Variants in SOCS2 observed in about 807,000 individuals in gnomAD.
SOCS2 encodes the protein suppressor of cytokine signaling 2.
A neutral mutation model predicts 18.6 loss-of-function variants in SOCS2; 10 were observed. The ratio of observed to expected loss-of-function variants is 0.54; its 90% CI spans 0.33 to 0.91. The LOEUF is 0.91. Ranked by LOEUF, SOCS2 falls within the 40% of genes least tolerant of loss-of-function variation. The pLI is 0.02. For synonymous variants in SOCS2, 104 were observed against 104.0 expected (o/e 1.00, Z 0.00); for missense variants, 231 against 247.2 (o/e 0.93, Z 0.44).
chr12:93,584,728 G>A (rs11107116), downstream of SOCS2, among the ~76,000 whole-genome samples: 3 of 151,820 alleles, frequency 2.0e-5, no homozygotes, highest in Non-Finnish European at 4.4e-5. Context: ...ATCCAGCTTG[G>A]AAGAGTCCCT....
chr12:93,570,249 G>A (rs1170354067), upstream of SOCS2: 1 of 152,286 alleles, frequency 6.6e-6, no homozygotes, highest in African/African-American at 2.4e-5. Flanking sequence ...CGGGCCGCCG[G>A]GTCTACCGGA....
chr12:93,611,304 C>T, the SOCS2 span, among the ~76,000 whole-genome samples: 2 of 152,152 alleles, frequency 1.3e-5, no homozygotes, highest in African/African-American at 4.8e-5. Flanking sequence ...GTGGTGTGAT[C>T]TCAGCTCACT....
At chr12:93,601,155 A>G in the SOCS2 span, among the ~76,000 whole-genome samples, 1 of 146,424 alleles carries the variant, frequency 6.8e-6, no homozygotes, top group Non-Finnish European at 1.5e-5. Context: ...GTGCTGGTAT[A>G]TGGGATCACT....
At chr12:93,588,044 G>T (rs1219923730), downstream of SOCS2, among the ~76,000 whole-genome samples, 1 of 152,236 alleles carries the variant, frequency 6.6e-6, no homozygotes, top group Non-Finnish European at 1.5e-5. Flanking sequence ...CCCTAGACTT[G>T]CAAGGGACCC....
At chr12:93,624,012 T>A in the SOCS2 span, among the ~76,000 whole-genome samples, 1 of 152,122 alleles carries the variant, frequency 6.6e-6, no homozygotes, top group Non-Finnish European at 1.5e-5. Context: ...CCTGAGCCAC[T>A]GCGCCTGGTC....
the SOCS2 span, among the ~76,000 whole-genome samples, chr12:93,608,218 C>T: frequency 6.6e-6 from 1 of 151,248 alleles, no homozygotes; most frequent in African/African-American, 2.4e-5. Flanking sequence ...CCAGGCTGGT[C>T]TCGAACTCCT....
chr12:93,625,203 A>G, the SOCS2 span, among the ~76,000 whole-genome samples: 2 of 152,194 alleles, frequency 1.3e-5, no homozygotes, highest in Non-Finnish European at 2.9e-5. Context: ...TGACTCATCT[A>G]TCCTCACCAG....
chr12:93,622,044 G>A, the SOCS2 span, among the ~76,000 whole-genome samples: 1 of 152,194 alleles, frequency 6.6e-6, no homozygotes, highest in African/African-American at 2.4e-5. Flanking sequence ...TTGTCAGCCT[G>A]TAGGTTGAAC....
chr12:93,624,083 C>T, the SOCS2 span, among the ~76,000 whole-genome samples: 1 of 152,246 alleles, frequency 6.6e-6, no homozygotes, highest in Middle Eastern at 3.4e-3. Context: ...AGAGTGAAAG[C>T]CTCATGAATG....
chr12:93,624,388 T>A, the SOCS2 span, among the ~76,000 whole-genome samples: 4 of 152,126 alleles, frequency 2.6e-5, no homozygotes, highest in African/African-American at 9.7e-5. Flanking sequence ...CTGACCAACA[T>A]GGTGAAACCT....
At chr12:93,605,224 T>G in the SOCS2 span, among the ~76,000 whole-genome samples, 2 of 152,234 alleles carry the variant, frequency 1.3e-5, no homozygotes. Context: ...TGTTGCGGCT[T>G]GTCTTTATCG....
the SOCS2 span, among the ~76,000 whole-genome samples, chr12:93,620,413 T>A: frequency 6.7e-6 from 1 of 149,636 alleles, no homozygotes; most frequent in Non-Finnish European, 1.5e-5. Flanking sequence ...ATTTCTTTTC[T>A]TTTTTTCTCT....
At chr12:93,571,416 C>A (rs937650830), upstream of SOCS2, 1 of 152,380 alleles carries the variant, frequency 6.6e-6, no homozygotes, top group Non-Finnish European at 1.5e-5. Context: ...CCCTTCTCGG[C>A]GTCTGGAAGT....
At chr12:93,622,227 C>T in the SOCS2 span, among the ~76,000 whole-genome samples, 1 of 152,184 alleles carries the variant, frequency 6.6e-6, no homozygotes, top group African/African-American at 2.4e-5. Flanking sequence ...ATAAGGAATG[C>T]ACCTTGGTAG....
intron 1 of SOCS2, chr12:93,574,481 A>T: frequency 2.7e-6 from 1 of 365,214 alleles, no homozygotes; most frequent in Middle Eastern, 7.0e-4. Context: ...CAGAAAGTTG[A>T]TTTTTTAAAA....
downstream of SOCS2, among the ~76,000 whole-genome samples, chr12:93,579,723 G>C (rs746280173): frequency 6.6e-6 from 1 of 152,170 alleles, no homozygotes; most frequent in Non-Finnish European, 1.5e-5. Context: ...AAGGTAACAA[G>C]TGTTGTTAGA....
At chr12:93,603,059 C>T in the SOCS2 span, among the ~76,000 whole-genome samples, 20 of 152,296 alleles carry the variant, frequency 1.3e-4, no homozygotes, top group African/African-American at 4.8e-4. Context: ...AGTCCACTGC[C>T]GAACCTTGGT....
chr12:93,584,363 T>A (rs1165447643), downstream of SOCS2, among the ~76,000 whole-genome samples: 1 of 152,230 alleles, frequency 6.6e-6, no homozygotes. Flanking sequence ...CCATTTTGAT[T>A]AAATTAGATT....
chr12:93,595,126 G>T, the SOCS2 span, among the ~76,000 whole-genome samples: 1 of 152,050 alleles, frequency 6.6e-6, no homozygotes, highest in African/African-American at 2.4e-5. Context: ...ATTTGTGAGG[G>T]GACGGGGGGT....
Sources: gnomAD v4.1 joint callset for allele counts (sites outside exome capture counted in the v4.1 genomes callset) on GRCh38, gnomAD v4.1.1 for gene constraint, MANE v1.5 for transcripts, NCBI Gene and HGNC (gene_info 2026-07-23, HGNC 2026-07-21) for gene names.